Variants in RNF150 observed in about 807,000 individuals in gnomAD.
RNF150 encodes the protein ring finger protein 150.
Under a neutral mutation model 39.3 loss-of-function variants are expected in RNF150, and 24 were observed. The observed-to-expected ratio is 0.61, with a 90% confidence interval of 0.44 to 0.86. RNF150 has a LOEUF of 0.86. Ranked by LOEUF, RNF150 falls within the 40% of genes least tolerant of loss-of-function variation. The pLI is 0.00. For synonymous variants in RNF150, 255 were observed against 227.3 expected (o/e 1.12, Z -1.10); for missense variants, 502 against 587.8 (o/e 0.85, Z 1.51).
At chr4:141,061,278 A>G (rs1428129924) in intron 1 of RNF150, among the ~76,000 whole-genome samples, 3 of 152,160 alleles carry the variant, frequency 2.0e-5, no homozygotes, top group Non-Finnish European at 4.4e-5. Context: ...TTCATTTTTT[A>G]TGACTGCATG....
rs1485838686 is a variant in RNF150 at position 141,132,291 on chromosome 4, G to T, written c.484+34C>A. The T allele has an allele frequency of 1.9e-6, 3 of 1,554,152 alleles. No individual in the cohort carries two copies. The highest frequency in any genetic ancestry group is 3.9e-5 in the Admixed American group (2 of 51,172). On this transcript the variant is annotated intron_variant, in intron 1 of 6. Coordinates refer to ENST00000515673, the MANE Select transcript of RNF150 (RefSeq NM_020724.2). The surrounding 1 kb of genome is among the most constrained non-coding windows in gnomAD (Gnocchi z 4.9). The stretch of plus-strand genomic sequence containing the variant: ...CCCTCTAGGCACCTCCGTCCCCGCC[G>T]GCTCCCCTCCCCCGCGCCCGCTGGG...
At chr4:140,970,479 C>A (rs1304845727) in intron 1 of RNF150, among the ~76,000 whole-genome samples, 1 of 141,124 alleles carries the variant, frequency 7.1e-6, no homozygotes, top group African/African-American at 2.6e-5. Context: ...CCTCCCCACC[C>A]ATACAATATT....
rs368342455 is a variant in RNF150 at position 140,943,341 on chromosome 4, G to A, written c.890+4313C>T. On this transcript the variant is annotated intron_variant, in intron 4 of 6. Transcript: ENST00000515673. ...ATGATATTGACAATAGTATCTTAAA[G>A]TTGCAAAATAAGCATAAGAAATAAA... 3.3e-5 allele frequency among the ~76,000 whole-genome samples: 5 copies of A among 152,312 alleles called. No homozygotes were observed. The South Asian group carries it at 1.0e-3, about 32-fold the overall frequency.
At chr4:141,205,802 T>C (rs898071176) in intron 1 of RNF150, among the ~76,000 whole-genome samples, 2 of 152,212 alleles carry the variant, frequency 1.3e-5, no homozygotes, top group African/African-American at 4.8e-5. Context: ...AAATTAATTT[T>C]AATAAACTAT....
At chr4:141,155,639 C>A (rs2111148468) in intron 1 of RNF150, among the ~76,000 whole-genome samples, 1 of 152,240 alleles carries the variant, frequency 6.6e-6, no homozygotes, top group South Asian at 2.1e-4. Flanking sequence ...ATATACATCC[C>A]ATTTTCACTT....
At chr4:140,922,218 C>T (rs914316087) in intron 5 of RNF150, among the ~76,000 whole-genome samples, 1 of 150,746 alleles carries the variant, frequency 6.6e-6, no homozygotes, top group African/African-American at 2.4e-5. Flanking sequence ...ATCTAGAAAA[C>T]CCCATCGTCT....
chr4:141,059,515 T>C (rs1480927221), intron 1 of RNF150, among the ~76,000 whole-genome samples: 1 of 152,170 alleles, frequency 6.6e-6, no homozygotes, highest in Non-Finnish European at 1.5e-5. Flanking sequence ...CAGGGTCCAA[T>C]TTTCCTGCAT....
chr4:140,957,416 G>A (rs1261442515), intron 2 of RNF150, among the ~76,000 whole-genome samples: 1 of 152,102 alleles, frequency 6.6e-6, no homozygotes, highest in Non-Finnish European at 1.5e-5. Context: ...TGCTGGAGAG[G>A]ATGTGGAGAA....
At chr4:141,106,339 T>C (rs1003056365) in intron 1 of RNF150, among the ~76,000 whole-genome samples, 1 of 152,208 alleles carries the variant, frequency 6.6e-6, no homozygotes, top group African/African-American at 2.4e-5. Flanking sequence ...TGGTACATAG[T>C]AGGTGTTCGA....
At chr4:141,066,602 A>G (rs1266548540) in intron 1 of RNF150, among the ~76,000 whole-genome samples, 1 of 152,234 alleles carries the variant, frequency 6.6e-6, no homozygotes, top group African/African-American at 2.4e-5. Context: ...CTTAGTAAGC[A>G]TTCTGCTATG....
At chr4:141,071,754 C>A (rs1737715303) in intron 1 of RNF150, among the ~76,000 whole-genome samples, 1 of 152,060 alleles carries the variant, frequency 6.6e-6, no homozygotes, top group Non-Finnish European at 1.5e-5. Context: ...CAGACAGAAT[C>A]AAAAGAGATA....
chr4:140,983,468 T>C lies in RNF150; in HGVS notation c.485-15595A>G, dbSNP rs370701388. 8.5e-5 allele frequency among the ~76,000 whole-genome samples: 13 copies of C among 152,276 alleles called. No individual in the cohort carries two copies. The South Asian group carries it at 1.2e-3, about 15-fold the overall frequency. Reference sequence around the variant, plus strand: ...CCACAGAGGTAACTGCATGTCTTTTTTGATACTTTCAACAATATATTTATA... The same window carrying C: ...CCACAGAGGTAACTGCATGTCTTTTCTGATACTTTCAACAATATATTTATA... On this transcript the variant is annotated intron_variant, in intron 1 of 6. Coordinates refer to ENST00000515673, the MANE Select transcript of RNF150 (RefSeq NM_020724.2).
At chr4:141,084,273 A>G (rs756074475) in intron 1 of RNF150, among the ~76,000 whole-genome samples, 1 of 152,220 alleles carries the variant, frequency 6.6e-6, no homozygotes, top group East Asian at 1.9e-4. Context: ...GCAATATTAT[A>G]TATTCCAAAA....
At position 140,999,942 on chromosome 4, in the gene RNF150, A is replaced by AAAGAAGAAGAAG. The variant is rs879391696; in HGVS notation, c.485-32081_485-32070dup. On this transcript the variant is annotated intron_variant, in intron 1 of 6. Coordinates refer to ENST00000515673, the MANE Select transcript of RNF150 (RefSeq NM_020724.2). ...AACAGAGTGAGACTTGGTCTCAAAA[A>AAAGAAGAAGAAG]AAGAAGAAGAAGAAGAAGAAGAAGA... Among the ~76,000 whole-genome samples, 6 of 34,564 alleles carry AAAGAAGAAGAAG rather than the reference A, an allele frequency of 1.7e-4. No individual in the cohort carries two copies. In the East Asian group the frequency reaches 2.1e-3, roughly 12 times the overall value. The allele number at this position is 34,564 out of a possible 152,430, so 22.7% of individuals were successfully genotyped here.
intron 6 of RNF150, among the ~76,000 whole-genome samples, chr4:140,901,800 G>A (rs1730196523): frequency 6.6e-6 from 1 of 152,152 alleles, no homozygotes; most frequent in Non-Finnish European, 1.5e-5. Flanking sequence ...ATTCTGCTTG[G>A]AGGAGCAGAG....
intron 1 of RNF150, among the ~76,000 whole-genome samples, chr4:141,123,753 C>A (rs1296162310): frequency 1.3e-5 from 2 of 152,252 alleles, no homozygotes; most frequent in South Asian, 2.1e-4. Flanking sequence ...ACCCTATGTC[C>A]AAGTGTTCTC....
chr4:140,890,670 A>C (rs1199518067), intron 6 of RNF150, among the ~76,000 whole-genome samples: 2 of 152,210 alleles, frequency 1.3e-5, no homozygotes, highest in Non-Finnish European at 2.9e-5. Context: ...ACTAGAAGTC[A>C]ACCATGCAGC....
chr4:141,121,457 G>A (rs1726598234), intron 1 of RNF150, among the ~76,000 whole-genome samples: 1 of 152,064 alleles, frequency 6.6e-6, no homozygotes, highest in Non-Finnish European at 1.5e-5. Flanking sequence ...CTTCCTACTT[G>A]GTAAAAACAG....
At chr4:140,956,871 G>C (rs1334843289) in intron 2 of RNF150, among the ~76,000 whole-genome samples, 2 of 151,644 alleles carry the variant, frequency 1.3e-5, no homozygotes, top group African/African-American at 2.4e-5. Context: ...GCTGAAACTG[G>C]ATCCCTTCCT....
Sources: allele counts gnomAD v4.1 joint callset (sites outside exome capture counted in the v4.1 genomes callset), GRCh38; gene constraint gnomAD v4.1.1; non-coding constraint Gnocchi (gnomAD v3.1); transcripts MANE v1.5; gene names NCBI Gene and HGNC (gene_info 2026-07-23, HGNC 2026-07-21).